Variants in NUMA1 observed in about 807,000 individuals in gnomAD.
The protein encoded by NUMA1 is nuclear mitotic apparatus protein 1.
In NUMA1, 62 loss-of-function variants were observed where a neutral mutation model predicts 237.1. That is an observed-to-expected ratio of 0.26 (90% CI 0.21 to 0.32). The LOEUF (loss-of-function observed/expected upper bound fraction) is 0.32. Among genes scored for constraint, NUMA1 ranks in the 10% least tolerant of loss-of-function variants. NUMA1 has a pLI of 1.00. For missense variants in NUMA1, 2,533 were observed against 2,666.5 expected (o/e 0.95, Z 1.10); for synonymous variants, 1,028 against 1,066.1 (o/e 0.96, Z 0.70).
intron 2 of NUMA1, among the ~76,000 whole-genome samples, chr11:72,044,610 G>A (rs564446478): frequency 2.6e-5 from 4 of 151,782 alleles, no homozygotes; most frequent in South Asian, 2.1e-4. Flanking sequence ...TTTGGGGGGG[G>A]GGAGGAGTTA....
At chr11:72,056,288 T>C (rs1472413965) in intron 2 of NUMA1, among the ~76,000 whole-genome samples, 2 of 150,658 alleles carry the variant, frequency 1.3e-5, no homozygotes, top group South Asian at 4.2e-4. Context: ...TGTGCCACTG[T>C]ACCCCAGCCT....
At chr11:72,072,239 G>A (rs1943484045) in intron 1 of NUMA1, 1 of 153,988 alleles carries the variant, frequency 6.5e-6, no homozygotes, top group South Asian at 2.0e-4. Context: ...CAGTGGTAAG[G>A]TGGATACAAT....
intron 2 of NUMA1, among the ~76,000 whole-genome samples, chr11:72,058,837 T>A (rs1015208553): frequency 2.0e-5 from 3 of 152,206 alleles, no homozygotes; most frequent in Admixed American, 1.3e-4. Flanking sequence ...GTGCTCCCTG[T>A]TCTGGTCTCA....
chr11:72,032,998 A>G (rs1324144546), intron 3 of NUMA1, among the ~76,000 whole-genome samples: 1 of 151,928 alleles, frequency 6.6e-6, no homozygotes, highest in East Asian at 1.9e-4. Context: ...TTTTTTTTAA[A>G]CTGTAGTTGG....
chr11:72,022,012 ACAC>A (rs766187131), intron 7 of NUMA1, among the ~76,000 whole-genome samples: 3 of 151,500 alleles, frequency 2.0e-5, no homozygotes, highest in Admixed American at 6.6e-5. Context: ...GGGAAAAAAA[ACAC>A]ACACACACAG....
At chr11:72,018,151 G>C in intron 12 of NUMA1, 32 bp downstream of exon 12, 1 of 1,482,894 alleles carries the variant, frequency 6.7e-7, no homozygotes, top group Non-Finnish European at 9.4e-7. Context: ...AGCCCTGAGG[G>C]GCCTCCATGC....
intron 2 of NUMA1, chr11:72,040,916 GA>G (rs1941598010): frequency 6.6e-6 from 1 of 152,094 alleles, no homozygotes; most frequent in African/African-American, 2.4e-5. Flanking sequence ...AAAACCCAGA[GA>G]AAGAGTGAGG....
At chr11:72,059,588 G>A (rs1018348391) in intron 2 of NUMA1, among the ~76,000 whole-genome samples, 5 of 152,082 alleles carry the variant, frequency 3.3e-5, no homozygotes, top group African/African-American at 1.2e-4. Context: ...ACTTTTAAAA[G>A]CTTGAAAAAA....
chr11:72,054,665 GT>G (rs1284560463), intron 2 of NUMA1, among the ~76,000 whole-genome samples: 1 of 152,156 alleles, frequency 6.6e-6, no homozygotes, highest in Non-Finnish European at 1.5e-5. Flanking sequence ...ATCCAAGACT[GT>G]CCCACTCCAA....
intron 15 of NUMA1, 94 bp downstream of exon 15, chr11:72,012,801 A>G: frequency 6.6e-7 from 1 of 1,504,582 alleles, no homozygotes; most frequent in Non-Finnish European, 9.0e-7. Flanking sequence ...AAGACACTCC[A>G]GTGTAGGAGC....
chr11:72,003,443 A>T lies in NUMA1; in HGVS notation c.*84T>A. 1.5e-6 allele frequency: 2 copies of T among 1,338,534 alleles called. No homozygotes were observed. The highest frequency in any genetic ancestry group is 2.2e-6 in the Non-Finnish European group (2 of 928,020). 82.9% of individuals were successfully genotyped at this position (1,338,534 alleles called of 1,614,324 possible). A position where few individuals can be genotyped will look rare whatever the true frequency, so the allele number is the denominator to read the frequency against. ...TACTGTTGGCCTGGGAGCTGAGAGA[A>T]GGCACTGAGAGGGACAGTAGGCGGA... On this transcript the variant is annotated 3_prime_UTR_variant, in exon 27 of 27. Coordinates refer to ENST00000393695, the MANE Select transcript of NUMA1 (RefSeq NM_006185.4).
Position 72,004,260 on chromosome 11 carries a change from C to A in NUMA1, c.6088G>T (p.Ala2030Ser). 1 of 1,613,068 alleles carries A rather than the reference C, an allele frequency of 6.2e-7. No homozygotes were observed. The highest frequency in any genetic ancestry group is 8.5e-7 in the Non-Finnish European group (1 of 1,179,786). ...HEGRKQSTTE[A>S]QKKAAPASTK... ...GAAGCTGGAGCTGCTTTCTTCTGGG[C>A]CTCAGTAGTGCTCTGTTTGCGCCCT... is the stretch of plus-strand genomic sequence containing the variant. Residue 2030 changes from alanine to serine, a missense_variant, in exon 25 of 27, where the codon GCC becomes TCC. By Grantham distance (99) the Ala-to-Ser change is moderately conservative. This residue lies in a region of NUMA1 where 795 missense variants were observed against 750.8 expected (regional missense o/e 1.06). Transcript: ENST00000393695.
chr11:72,007,300 G>C lies in NUMA1; in HGVS notation c.5352C>G (p.Ala1784=). 6.2e-7 allele frequency: 1 copy of C among 1,613,318 alleles called. No homozygotes were observed. The highest frequency in any genetic ancestry group is 8.5e-7 in the Non-Finnish European group (1 of 1,179,754). The change falls in exon 21 of 27, where the codon GCC becomes GCG. Residue 1784 remains alanine (A), a synonymous_variant. Transcript: ENST00000393695. ...YFTPIPARSQ[A]PLESSLDSLG... ...GGGAGTCCAGGCTGCTCTCCAGGGG[G>C]GCCTGACTCCGAGCAGGGATGGGAG...
intron 3 of NUMA1, among the ~76,000 whole-genome samples, chr11:72,030,547 T>C (rs1012723520): frequency 6.6e-6 from 1 of 152,208 alleles, no homozygotes; most frequent in Admixed American, 6.5e-5. Context: ...GGTTATTCAA[T>C]AAGTATACAT....
At chr11:72,037,548 C>G (rs973339781) in intron 2 of NUMA1, among the ~76,000 whole-genome samples, 4 of 152,144 alleles carry the variant, frequency 2.6e-5, no homozygotes, top group Non-Finnish European at 5.9e-5. Context: ...TGCTAGAAGC[C>G]ACATGGAAAA....
chr11:72,037,889 G>C (rs953272761), intron 2 of NUMA1, among the ~76,000 whole-genome samples: 1 of 152,196 alleles, frequency 6.6e-6, no homozygotes, highest in Non-Finnish European at 1.5e-5. Context: ...CCATGGGCAA[G>C]ATTATGTAGC....
intron 2 of NUMA1, among the ~76,000 whole-genome samples, chr11:72,063,922 C>CAAAAAAAAAA (rs35238614): frequency 3.8e-5 from 2 of 52,544 alleles, no homozygotes; most frequent in Non-Finnish European, 8.0e-5. Flanking sequence ...GATCTTGTGT[C>CAAAAAAAAAA]AAAAAAAAAA....
rs1327006930 is a variant in NUMA1, at chr11:72,013,001, G to C, written c.4502C>G (p.Thr1501Ser). 2 of 1,614,022 alleles carry C rather than the reference G, an allele frequency of 1.2e-6. No individual in the cohort carries two copies. The highest frequency in any genetic ancestry group is 2.7e-5 in the African/African-American group (2 of 74,906). The change falls in exon 15 of 27, where the codon ACT (threonine) becomes AGT (serine). Residue 1501 changes from threonine to serine, a missense_variant. This residue lies in a region of NUMA1 where 324 missense variants were observed against 407.6 expected (regional missense o/e 0.79). Coordinates refer to ENST00000393695, the MANE Select transcript of NUMA1 (RefSeq NM_006185.4). This position sits in a 1 kb window ranked among gnomAD's most constrained non-coding sequence, Gnocchi z 6.8. ...AGTCATCACCTCCAGCTCCCGGGCA[G>C]TGCTCTGTGCTTCTCGCTGCACCTC... Reference protein sequence around the residue: ...LAEVQREAQSTARELEVMTAK... With the variant: ...LAEVQREAQSSARELEVMTAK...
chr11:72,045,904 G>A (rs754643451), intron 2 of NUMA1, among the ~76,000 whole-genome samples: 7 of 152,216 alleles, frequency 4.6e-5, no homozygotes, highest in Non-Finnish European at 1.0e-4. Context: ...AAGCTTCCTA[G>A]CCCAGATAGA....
Sources: gnomAD v4.1 joint callset for allele counts (sites outside exome capture counted in the v4.1 genomes callset) on GRCh38, gnomAD v4.1.1 for gene constraint, gnomAD v4.1.1 regional missense constraint, Gnocchi (gnomAD v3.1) non-coding constraint, MANE v1.5 for transcripts, NCBI Gene and HGNC (gene_info 2026-07-23, HGNC 2026-07-21) for gene names.